Variants in TDRD7 observed in about 807,000 individuals in gnomAD.
TDRD7 encodes tudor domain containing 7.
In TDRD7, 47 loss-of-function variants were observed where a neutral mutation model predicts 109.8. The ratio of observed to expected loss-of-function variants is 0.43; its 90% CI spans 0.34 to 0.55. The LOEUF (loss-of-function observed/expected upper bound fraction) is 0.55. Among genes scored for constraint, TDRD7 ranks in the 20% least tolerant of loss-of-function variants. The pLI is 0.03. For synonymous variants in TDRD7, 424 were observed against 457.3 expected (o/e 0.93, Z 0.93); for missense variants, 1,164 against 1,319.2 (o/e 0.88, Z 1.82).
chr9:97,495,660 T>G lies in TDRD7; in HGVS notation c.3077-3T>G. On this transcript the variant is annotated splice_polypyrimidine_tract_variant and splice_region_variant and intron_variant, in intron 16 of 16. Transcript: ENST00000355295. ...CTCCCTCTTCTTCCTCTCTTCCTCC[T>G]AGGAGTGAAGTGCAACCAGTGGTCT... 6.2e-7 allele frequency: 1 copy of G among 1,613,944 alleles called. No individual in the cohort carries two copies. The highest frequency in any genetic ancestry group is 8.5e-7 in the Non-Finnish European group (1 of 1,179,884).
At chr9:97,452,179 A>C (rs886903295) in intron 6 of TDRD7, among the ~76,000 whole-genome samples, 10 of 152,100 alleles carry the variant, frequency 6.6e-5, no homozygotes, top group African/African-American at 2.2e-4. Flanking sequence ...GCGCCACTGC[A>C]CTCTAGCCTG....
At chr9:97,457,941 A>C (rs1308328068) in intron 6 of TDRD7, among the ~76,000 whole-genome samples, 1 of 152,132 alleles carries the variant, frequency 6.6e-6, no homozygotes, top group African/African-American at 2.4e-5. Flanking sequence ...TTGAGAATAC[A>C]TGGATACAGA....
chr9:97,423,146 C>G (rs1392028101), intron 1 of TDRD7, among the ~76,000 whole-genome samples: 2 of 152,138 alleles, frequency 1.3e-5, no homozygotes, highest in South Asian at 2.1e-4. Context: ...GTAAAGCAAT[C>G]CGGGCTTCAG....
intron 5 of TDRD7, among the ~76,000 whole-genome samples, chr9:97,439,966 A>G (rs1426656976): frequency 6.6e-6 from 1 of 152,148 alleles, no homozygotes; most frequent in Non-Finnish European, 1.5e-5. Flanking sequence ...TTTTCGTATC[A>G]GTGCTTATAG....
At position 97,432,134 on chromosome 9, in the gene TDRD7, G is replaced by T; in HGVS notation, c.459G>T (p.Lys153Asn). 6.2e-7 allele frequency: 1 copy of T among 1,613,860 alleles called. No individual in the cohort carries two copies. The highest frequency in any genetic ancestry group is 8.5e-7 in the Non-Finnish European group (1 of 1,179,806). Residue 153 changes from lysine (K) to asparagine (N), a missense_variant, in exon 4 of 17, where the codon AAG (lysine) becomes AAT (asparagine). Lys to Asn is a moderately conservative substitution (Grantham distance 94). Coordinates refer to ENST00000355295, the MANE Select transcript of TDRD7 (RefSeq NM_014290.3). ...ACAAAGGAAACTCTGTTGGAGTTAA[G>T]CCTGATGCTGAAATGTCTCCTTATA... is the stretch of plus-strand genomic sequence containing the variant. ...LRDKGNSVGV[K>N]PDAEMSPYML...
intron 15 of TDRD7, 119 bp from the exon 16 acceptor site, chr9:97,487,053 A>T (rs1829222784): frequency 8.6e-7 from 1 of 1,165,816 alleles, no homozygotes; most frequent in African/African-American, 1.6e-5. Context: ...ATATAGTTTT[A>T]AATTTTGATA....
chr9:97,487,118 G>A, intron 15 of TDRD7, 54 bp from the exon 16 acceptor site: 2 of 1,566,708 alleles, frequency 1.3e-6, no homozygotes, highest in East Asian at 2.2e-5. Flanking sequence ...TGCCCTTAAA[G>A]CAGGTACTGA....
chr9:97,430,740 T>C (rs1828089994), intron 2 of TDRD7, among the ~76,000 whole-genome samples, 193 bp from the exon 3 acceptor site: 1 of 152,240 alleles, frequency 6.6e-6, no homozygotes, highest in African/African-American at 2.4e-5. Context: ...TTCAATGTAC[T>C]AGACTATGCC....
chr9:97,457,357 G>GAC (rs554868896), intron 6 of TDRD7, among the ~76,000 whole-genome samples: 3,943 of 151,078 alleles, frequency 0.026, 88 homozygotes, highest in Non-Finnish European at 0.039. Flanking sequence ...CTACTATAAA[G>GAC]ACACACACAC....
At chr9:97,464,599 G>A (rs1828791500) in intron 7 of TDRD7, among the ~76,000 whole-genome samples, 1 of 152,014 alleles carries the variant, frequency 6.6e-6, no homozygotes, top group East Asian at 1.9e-4. Context: ...CTTGTGATCT[G>A]CCTGCCTCGG....
At chr9:97,443,647 GC>G (rs1334261350) in intron 6 of TDRD7, among the ~76,000 whole-genome samples, 1 of 152,176 alleles carries the variant, frequency 6.6e-6, no homozygotes, top group African/African-American at 2.4e-5. Flanking sequence ...AAGGTTCAGG[GC>G]CTGTGGCCCC....
intron 1 of TDRD7, among the ~76,000 whole-genome samples, chr9:97,418,988 C>G (rs1037846320): frequency 1.3e-5 from 2 of 152,172 alleles, no homozygotes; most frequent in Non-Finnish European, 2.9e-5. Context: ...TACTGAAACT[C>G]TGGCAGGGGA....
In TDRD7 at chr9:97,472,434, T is replaced by G. The variant is rs778013170; in HGVS notation, c.1883T>G (p.Ile628Ser). 6.2e-7 allele frequency: 1 copy of G among 1,613,860 alleles called. No individual in the cohort carries two copies. The highest frequency in any genetic ancestry group is 1.7e-5 in the Admixed American group (1 of 59,998). Residue 628 changes from isoleucine to serine, a missense_variant, in exon 10 of 17, where the codon ATC becomes AGC. This residue lies in a region of TDRD7 where 261 missense variants were observed against 336.2 expected (regional missense o/e 0.78). Transcript: ENST00000355295. ...VLYDTSGEDD[I>S]NINATCLKAI... Reference sequence around the variant, plus strand: ...TACGATACCTCAGGAGAAGATGATATCAATATCAATGCCACCTGCTTGAAG... The same window carrying G: ...TACGATACCTCAGGAGAAGATGATAGCAATATCAATGCCACCTGCTTGAAG...
At chr9:97,415,345 A>G (rs996567237) in intron 1 of TDRD7, among the ~76,000 whole-genome samples, 2 of 152,258 alleles carry the variant, frequency 1.3e-5, no homozygotes, top group Non-Finnish European at 2.9e-5. Flanking sequence ...AGCAGATAAC[A>G]TGCAAATGAC....
At position 97,482,917 on chromosome 9, in the gene TDRD7, C is replaced by G. The variant is rs760683250; in HGVS notation, c.2481C>G (p.Asp827Glu). ...TATTTACCCCTAAGAACTTCCCTGA[C>G]CCTCATCGCAGTATTAATCGCCAGA... The part of the protein sequence containing the change: ...VYLFTPKNFP[D>E]PHRSINRQIT... Residue 827 changes from aspartate to glutamate, a missense_variant, in exon 15 of 17, where the codon GAC becomes GAG. Asp to Glu is a conservative substitution (Grantham distance 45). This residue lies in a region of TDRD7 where 233 missense variants were observed against 218.0 expected (regional missense o/e 1.07). Transcript: ENST00000355295. 1.2e-6 allele frequency: 2 copies of G among 1,614,186 alleles called. No individual in the cohort carries two copies. Among genetic ancestry groups the G allele is most frequent in the Non-Finnish European group, 1.7e-6 (2 of 1,180,030 alleles).
intron 4 of TDRD7, among the ~76,000 whole-genome samples, chr9:97,434,077 G>A (rs1333489632): frequency 6.6e-6 from 1 of 152,144 alleles, no homozygotes; most frequent in African/African-American, 2.4e-5. Context: ...CATTGCAGCA[G>A]CATTCACAAT....
At chr9:97,468,272 A>G (rs1034414982) in intron 8 of TDRD7, among the ~76,000 whole-genome samples, 2 of 152,228 alleles carry the variant, frequency 1.3e-5, no homozygotes, top group Non-Finnish European at 2.9e-5. Flanking sequence ...CAGTATTTAC[A>G]TGGAGGCATA....
chr9:97,489,021 A>G (rs1211617509), intron 16 of TDRD7, among the ~76,000 whole-genome samples: 3 of 152,196 alleles, frequency 2.0e-5, no homozygotes, highest in Admixed American at 6.5e-5. Flanking sequence ...AAAACATTGT[A>G]TTATTTTTAA....
At chr9:97,490,550 G>C (rs934739000) in intron 16 of TDRD7, among the ~76,000 whole-genome samples, 4 of 54,036 alleles carry the variant, frequency 7.4e-5, no homozygotes, top group Admixed American at 3.5e-4. Flanking sequence ...ATATTTTGGT[G>C]GGGGGGGGGG....
Sources: allele counts gnomAD v4.1 joint callset (sites outside exome capture counted in the v4.1 genomes callset), GRCh38; gene constraint gnomAD v4.1.1; regional missense constraint gnomAD v4.1.1; transcripts MANE v1.5; gene names NCBI Gene and HGNC (gene_info 2026-07-23, HGNC 2026-07-21).